The following LPP variants were observed in gnomAD, a reference collection of about 807,000 sequenced individuals.
The protein encoded by LPP is lipoma-preferred partner.
LPP carries 38 observed loss-of-function variants against 60.4 expected under a neutral mutation model. The observed-to-expected ratio is 0.63, with a 90% CI of 0.49 to 0.83. The LOEUF (loss-of-function observed/expected upper bound fraction) is 0.83, where lower values mean the gene tolerates loss of function less well. Among genes scored for constraint, LPP ranks in the 40% least tolerant of loss-of-function variants. The pLI is 0.00. For synonymous variants in LPP, 328 were observed against 290.8 expected (o/e 1.13, Z -1.30); for missense variants, 902 against 783.6 (o/e 1.15, Z -1.80).
intron 6 of LPP, among the ~76,000 whole-genome samples, chr3:188,559,591 C>T (rs1176087767): frequency 1.3e-5 from 2 of 151,882 alleles, no homozygotes; most frequent in Non-Finnish European, 2.9e-5. Flanking sequence ...TTTCCGTGTT[C>T]GTAGAGTCAA....
At chr3:188,283,976 C>CAA (rs35079555) in intron 2 of LPP, among the ~76,000 whole-genome samples, 3 of 151,250 alleles carry the variant, frequency 2.0e-5, no homozygotes, top group South Asian at 4.2e-4. Flanking sequence ...GACTCCATCT[C>CAA]AAAAAAAATA....
At chr3:188,341,285 A>C (rs1762981625) in intron 2 of LPP, among the ~76,000 whole-genome samples, 1 of 152,202 alleles carries the variant, frequency 6.6e-6, no homozygotes, top group Non-Finnish European at 1.5e-5. Flanking sequence ...TTTGGCTCCA[A>C]ATTCATGCCC....
In LPP at chr3:188,354,172, C is replaced by T. The variant is rs552424477; in HGVS notation, c.-10+12453C>T. Among the ~76,000 whole-genome samples, 19 of 152,260 alleles carry T rather than the reference C, an allele frequency of 1.2e-4. No homozygotes were observed. In the South Asian group the frequency reaches 3.7e-3, roughly 30 times the overall value. On this transcript the variant is annotated intron_variant, in intron 3 of 11. Transcript: ENST00000617246. ...TTCTTTCTGAAAAGAAAAACACACA[C>T]ACACAAATGTCGAGCAGTCTTCTTT...
intron 6 of LPP, among the ~76,000 whole-genome samples, chr3:188,593,304 GCT>G (rs564351098): frequency 2.0e-5 from 3 of 150,276 alleles, no homozygotes; most frequent in Non-Finnish European, 3.0e-5. Context: ...GTTCACTCTT[GCT>G]CTCTCTCTCT....
At chr3:188,741,326 G>T (rs910683352) in intron 8 of LPP, among the ~76,000 whole-genome samples, 1 of 151,946 alleles carries the variant, frequency 6.6e-6, no homozygotes, top group Non-Finnish European at 1.5e-5. Context: ...CGCTATCTTG[G>T]TTGCTATGGT....
intron 6 of LPP, among the ~76,000 whole-genome samples, chr3:188,595,341 A>G (rs938416): frequency 0.35 from 53,524 of 152,026 alleles, 10,422 homozygotes; most frequent in Non-Finnish European, 0.44. Flanking sequence ...CTAATTCCTC[A>G]TTTTACCTTT....
chr3:188,172,395 G>A (rs1313363341), intron 1 of LPP, among the ~76,000 whole-genome samples: 1 of 152,134 alleles, frequency 6.6e-6, no homozygotes, highest in Non-Finnish European at 1.5e-5. Flanking sequence ...TACTTATCTT[G>A]TTGTGAGGAT....
chr3:188,163,987 T>C (rs1314045461), intron 1 of LPP, among the ~76,000 whole-genome samples: 1 of 151,314 alleles, frequency 6.6e-6, no homozygotes, highest in African/African-American at 2.4e-5. Flanking sequence ...ATAAACTACA[T>C]TTATAGAAGT....
Position 188,182,160 on chromosome 3 carries a change from G to A in LPP, c.-190+27908G>A, listed in dbSNP as rs767388484. Among the ~76,000 whole-genome samples, 5 of 152,204 alleles carry A rather than the reference G, an allele frequency of 3.3e-5. No individual in the cohort carries two copies. The highest frequency in any genetic ancestry group is 1.3e-4 in the Admixed American group (2 of 15,290). On this transcript the variant is annotated intron_variant, in intron 1 of 11. Transcript: ENST00000617246. The surrounding 1 kb of genome is among the most constrained non-coding windows in gnomAD (Gnocchi z 4.4). ...CTTAATAGATGCTCAGCAAATCTGTGTGGAACGATTGCCTTAGGCTGCAAG... is the reference window on the plus strand; with the variant it reads ...CTTAATAGATGCTCAGCAAATCTGTATGGAACGATTGCCTTAGGCTGCAAG...
chr3:188,537,782 A>T (rs1452027949), intron 6 of LPP, among the ~76,000 whole-genome samples: 1 of 152,188 alleles, frequency 6.6e-6, no homozygotes, highest in Admixed American at 6.5e-5. Context: ...GAGACCCAGA[A>T]TTGCCAAAAT....
At chr3:188,760,409 G>GGGTGTGTGTGTGT (rs1553836222) in intron 9 of LPP, 127 bp downstream of exon 9, 19 of 602,814 alleles carry the variant, frequency 3.2e-5, no homozygotes, top group Middle Eastern at 7.6e-4. Flanking sequence ...GTGTGTGTGG[G>GGGTGTGTGTGTGT]GTGTGTGTGT....
At chr3:188,192,305 A>G (rs916691896) in intron 1 of LPP, among the ~76,000 whole-genome samples, 1 of 152,184 alleles carries the variant, frequency 6.6e-6, no homozygotes, top group African/African-American at 2.4e-5. Flanking sequence ...CAAGAACACC[A>G]GTGTGTGAAA....
intron 8 of LPP, among the ~76,000 whole-genome samples, chr3:188,719,814 A>G (rs908187727): frequency 1.3e-5 from 2 of 152,224 alleles, no homozygotes; most frequent in Non-Finnish European, 2.9e-5. Context: ...CAGACTTTGA[A>G]GTGACATTAG....
At chr3:188,162,817 C>T (rs1266198160) in intron 1 of LPP, among the ~76,000 whole-genome samples, 1 of 152,146 alleles carries the variant, frequency 6.6e-6, no homozygotes, top group Non-Finnish European at 1.5e-5. Context: ...ACAGTGATGA[C>T]ACCTTACTGT....
chr3:188,844,951 T>C (rs894609070), intron 9 of LPP, among the ~76,000 whole-genome samples: 6 of 152,176 alleles, frequency 3.9e-5, no homozygotes, highest in African/African-American at 1.4e-4. Context: ...ACACCTTCAT[T>C]AGGAGTTGTC....
intron 2 of LPP, among the ~76,000 whole-genome samples, chr3:188,245,108 T>C (rs979778664): frequency 6.6e-6 from 1 of 152,116 alleles, no homozygotes; most frequent in African/African-American, 2.4e-5. Flanking sequence ...TTTCCCACCC[T>C]GCCCCCGCCT....
chr3:188,365,881 A>G (rs1242566572), intron 3 of LPP, among the ~76,000 whole-genome samples: 4 of 152,190 alleles, frequency 2.6e-5, no homozygotes, highest in Admixed American at 6.5e-5. Context: ...ATCACCTCAC[A>G]GTTACCTTTC....
intron 4 of LPP, among the ~76,000 whole-genome samples, chr3:188,439,757 C>T (rs2149243657): frequency 6.6e-6 from 1 of 152,318 alleles, no homozygotes; most frequent in East Asian, 1.9e-4. Flanking sequence ...GCAGTACAGA[C>T]ATGGTAGCTG....
At chr3:188,445,170 A>G (rs964942908) in intron 4 of LPP, among the ~76,000 whole-genome samples, 2 of 152,216 alleles carry the variant, frequency 1.3e-5, no homozygotes, top group African/African-American at 4.8e-5. Context: ...TCATTCCACT[A>G]TAAAGACACA....
Sources: allele counts gnomAD v4.1 joint callset (sites outside exome capture counted in the v4.1 genomes callset), GRCh38; gene constraint gnomAD v4.1.1; non-coding constraint Gnocchi (gnomAD v3.1); transcripts MANE v1.5; gene names NCBI Gene and HGNC (gene_info 2026-07-23, HGNC 2026-07-21).